The following AKAP13 variants were observed in gnomAD, a reference collection of about 807,000 sequenced individuals.
The protein encoded by AKAP13 is A-kinase anchor protein 13.
A neutral mutation model predicts 264.5 loss-of-function variants in AKAP13; 80 were observed. The observed-to-expected ratio is 0.30, with a 90% CI of 0.25 to 0.36. The LOEUF (loss-of-function observed/expected upper bound fraction) is 0.36. Ranked by LOEUF, AKAP13 falls within the 10% of genes least tolerant of loss-of-function variation. The pLI, the probability that AKAP13 is intolerant of heterozygous loss-of-function variation, is 1.00. For synonymous variants in AKAP13, 1,380 were observed against 1,250.2 expected (o/e 1.10, Z -2.19); for missense variants, 3,712 against 3,435.2 (o/e 1.08, Z -2.01).
intron 2 of AKAP13, among the ~76,000 whole-genome samples, chr15:85,520,353 C>T (rs1264794986): frequency 2.0e-5 from 3 of 151,776 alleles, no homozygotes; most frequent in African/African-American, 7.3e-5. Context: ...AAAAATTTAG[C>T]TGGGCGTGGT....
intron 1 of AKAP13, among the ~76,000 whole-genome samples, chr15:85,454,410 T>C (rs188254082): frequency 2.0e-4 from 30 of 152,272 alleles, no homozygotes; most frequent in African/African-American, 7.0e-4. Context: ...ACTGCTTCCC[T>C]GAGTCGGGGA....
chr15:85,689,328 C>G (rs1206928558), intron 16 of AKAP13, among the ~76,000 whole-genome samples: 2 of 152,176 alleles, frequency 1.3e-5, no homozygotes, highest in Non-Finnish European at 2.9e-5. Context: ...ATTCTCATTC[C>G]TTCTTTGATT....
intron 1 of AKAP13, among the ~76,000 whole-genome samples, chr15:85,450,271 C>T (rs746438964): frequency 5.3e-5 from 8 of 151,822 alleles, no homozygotes; most frequent in African/African-American, 1.5e-4. Flanking sequence ...ACATTCCCTG[C>T]GTCACTTCTA....
chr15:85,445,005 A>T (rs1026602268), intron 1 of AKAP13, among the ~76,000 whole-genome samples: 7 of 152,206 alleles, frequency 4.6e-5, no homozygotes, highest in African/African-American at 1.4e-4. Flanking sequence ...GTATTCTCTT[A>T]AAGTATATAA....
rs564607738 is a variant in AKAP13 at position 85,622,981 on chromosome 15, G to A, written c.4162-16393G>A. On this transcript the variant is annotated intron_variant, in intron 8 of 36. Transcript: ENST00000394518. Reference sequence around the variant, plus strand: ...ACAATACTTAGGATAGGTACACCATGTCATATAAGTTCATTTTGTCCCATG... The same window carrying A: ...ACAATACTTAGGATAGGTACACCATATCATATAAGTTCATTTTGTCCCATG... Among the ~76,000 whole-genome samples, 17 of 152,268 alleles carry A rather than the reference G, an allele frequency of 1.1e-4. No homozygotes were observed. In the East Asian group the frequency reaches 3.3e-3, roughly 29 times the overall value.
rs554966283 is a variant in AKAP13, at chr15:85,688,984, G to A, written c.5289+4111G>A. On this transcript the variant is annotated intron_variant, in intron 16 of 36. Transcript: ENST00000394518. Reference sequence around the variant, plus strand: ...TGGTGTTCGAGTTCACAAAGGGAGTGTGGAATGACCCTCTTCAAACCATCC... The same window carrying A: ...TGGTGTTCGAGTTCACAAAGGGAGTATGGAATGACCCTCTTCAAACCATCC... Among the ~76,000 whole-genome samples, 14 of 152,288 alleles carry A rather than the reference G, an allele frequency of 9.2e-5. No individual in the cohort carries two copies. In the South Asian group the frequency reaches 2.5e-3, roughly 27 times the overall value.
chr15:85,425,826 G>T (rs2072751205), intron 1 of AKAP13, among the ~76,000 whole-genome samples: 2 of 151,864 alleles, frequency 1.3e-5, no homozygotes, highest in Admixed American at 1.3e-4. Flanking sequence ...TAATTGTGGG[G>T]TAGATAAATT....
chr15:85,527,526 A>G (rs990487519), intron 3 of AKAP13, among the ~76,000 whole-genome samples: 13 of 152,366 alleles, frequency 8.5e-5, no homozygotes, highest in Non-Finnish European at 1.5e-4. Flanking sequence ...TGATAATGGA[A>G]GAAAAGGCTG....
intron 1 of AKAP13, among the ~76,000 whole-genome samples, chr15:85,471,944 A>T (rs1337572437): frequency 6.6e-6 from 1 of 152,194 alleles, no homozygotes; most frequent in Non-Finnish European, 1.5e-5. Flanking sequence ...GGGAAAGTTG[A>T]CATTTAATGA....
At chr15:85,731,953 T>TG (rs771174621) in intron 30 of AKAP13, among the ~76,000 whole-genome samples, 1 of 151,930 alleles carries the variant, frequency 6.6e-6, no homozygotes, top group Non-Finnish European at 1.5e-5. Flanking sequence ...TGTGGTGACA[T>TG]GCGGCTGTAG....
rs779785706 is a variant in AKAP13 at position 85,730,506 on chromosome 15, C to A, written c.7088-7C>A. ...TCAAATCACAGATCATTTTCTCCTTCCTGCAGAACAACTTCACCAGAAGGA... is the reference window on the plus strand; with the variant it reads ...TCAAATCACAGATCATTTTCTCCTTACTGCAGAACAACTTCACCAGAAGGA... On this transcript the variant is annotated splice_region_variant and splice_polypyrimidine_tract_variant and intron_variant, in intron 29 of 36. Coordinates refer to ENST00000394518, the MANE Select transcript of AKAP13 (RefSeq NM_007200.5). The A allele has an allele frequency of 1.2e-6, 2 of 1,612,436 alleles. No individual in the cohort carries two copies. The highest frequency in any genetic ancestry group is 1.7e-6 in the Non-Finnish European group (2 of 1,178,904).
chr15:85,599,313 T>C (rs745727), intron 8 of AKAP13, among the ~76,000 whole-genome samples: 47,949 of 152,164 alleles, frequency 0.32, 7,940 homozygotes, highest in African/African-American at 0.4. Flanking sequence ...GCATATAATA[T>C]AATGTGGACA....
chr15:85,517,751 T>C (rs568286236), intron 2 of AKAP13, among the ~76,000 whole-genome samples: 1 of 152,252 alleles, frequency 6.6e-6, no homozygotes, highest in Admixed American at 6.5e-5. Context: ...TGGGGGGAGC[T>C]AACCTATATT....
In AKAP13 at chr15:85,580,870, T is replaced by G. The variant is rs763540790; in HGVS notation, c.2802T>G (p.Cys934Trp). 7.4e-6 allele frequency: 12 copies of G among 1,614,160 alleles called. No homozygotes were observed. The highest frequency in any genetic ancestry group is 1.6e-4 in the Middle Eastern group (1 of 6,062). ...AAGATAAGGATAAAGCGGTGACCTGTTCCTCTATTAAGGAAAATGCTCTCT... is the reference window on the plus strand; with the variant it reads ...AAGATAAGGATAAAGCGGTGACCTGGTCCTCTATTAAGGAAAATGCTCTCT... Reference protein sequence around the residue: ...QEQDKDKAVTCSSIKENALSS... With the variant: ...QEQDKDKAVTWSSIKENALSS... The change falls in exon 7 of 37, where the codon TGT becomes TGG. Residue 934 changes from cysteine to tryptophan, a missense_variant. This residue lies in a region of AKAP13 where 2,759 missense variants were observed against 2,411.7 expected (regional missense o/e 1.14). Coordinates refer to ENST00000394518, the MANE Select transcript of AKAP13 (RefSeq NM_007200.5).
chr15:85,725,913 C>T (rs186012122), intron 26 of AKAP13, among the ~76,000 whole-genome samples: 76 of 152,326 alleles, frequency 5.0e-4, no homozygotes, highest in African/African-American at 1.5e-3. Flanking sequence ...GCATGGAAGA[C>T]GTCTTTTCAT....
rs1343012406 is a variant in AKAP13, at chr15:85,581,098, A to T, written c.3030A>T (p.Gln1010His). ...CCCCACAAGTCTCACTGCTGACTCAAGGTGGGGCTGCCCAGAGCCTGGTGC... is the reference window on the plus strand; with the variant it reads ...CCCCACAAGTCTCACTGCTGACTCATGGTGGGGCTGCCCAGAGCCTGGTGC... ...EVAPQVSLLT[Q>H]GGAAQSLVPP... Residue 1010 changes from glutamine to histidine, a missense_variant, in exon 7 of 37, where the codon CAA becomes CAT. By Grantham distance (24) the Gln-to-His change is conservative (BLOSUM62 0). Transcript: ENST00000394518. 5 of 1,613,916 alleles carry T rather than the reference A, an allele frequency of 3.1e-6. No individual in the cohort carries two copies. The highest frequency in any genetic ancestry group is 4.2e-6 in the Non-Finnish European group (5 of 1,179,932).
chr15:85,539,260 A>G (rs2151202786), intron 4 of AKAP13, among the ~76,000 whole-genome samples: 1 of 152,286 alleles, frequency 6.6e-6, no homozygotes, highest in South Asian at 2.1e-4. Context: ...TAGTAGTGGT[A>G]GGACTTGAGC....
intron 2 of AKAP13, among the ~76,000 whole-genome samples, chr15:85,511,753 AG>A (rs1208898353): frequency 6.6e-6 from 1 of 152,160 alleles, no homozygotes; most frequent in African/African-American, 2.4e-5. Context: ...TGGCCTCCCC[AG>A]GGGCTGGGAG....
chr15:85,631,950 T>C (rs2151450396), intron 8 of AKAP13, among the ~76,000 whole-genome samples: 1 of 152,284 alleles, frequency 6.6e-6, no homozygotes, highest in East Asian at 1.9e-4. Context: ...CTCTTTGTGG[T>C]CGTTCAGACA....
Sources: allele counts gnomAD v4.1 joint callset (sites outside exome capture counted in the v4.1 genomes callset), GRCh38; gene constraint gnomAD v4.1.1; regional missense constraint gnomAD v4.1.1; transcripts MANE v1.5; gene names NCBI Gene and HGNC (gene_info 2026-07-23, HGNC 2026-07-21).